TCTN2: variants seen among roughly 807,000 people sequenced by gnomAD.
TCTN2 encodes the protein tectonic-2.
TCTN2 carries 66 observed loss-of-function variants against 83.4 expected under a neutral mutation model. That is an observed-to-expected ratio of 0.79 (90% CI 0.65 to 0.97). The LOEUF is 0.97. Among genes scored for constraint, TCTN2 ranks in the 50% least tolerant of loss-of-function variants. TCTN2 has a pLI of 0.00. For missense variants in TCTN2, 794 were observed against 858.1 expected, an observed-to-expected ratio of 0.93 and a Z score of 0.93; for synonymous variants, 301 against 326.7, an observed-to-expected ratio of 0.92 and a Z score of 0.85.
At chr12:123,697,856 T>C (rs1031760745) in intron 13 of TCTN2, among the ~76,000 whole-genome samples, 3 of 150,462 alleles carry the variant, frequency 2.0e-5, no homozygotes, top group African/African-American at 7.4e-5. Flanking sequence ...ACTGGGGTGA[T>C]TAACTTTTTT....
chr12:123,673,072 T>C (rs1287460594), intron 3 of TCTN2, among the ~76,000 whole-genome samples: 2 of 152,130 alleles, frequency 1.3e-5, no homozygotes, highest in Middle Eastern at 6.3e-3. Flanking sequence ...TCATAACCAC[T>C]GATCTTGCCC....
At chr12:123,687,152 G>A (rs777372851) in intron 6 of TCTN2, 117 bp downstream of exon 6, 12 of 1,159,240 alleles carry the variant, frequency 1.0e-5, no homozygotes, top group Admixed American at 5.2e-5. Context: ...CAGAGGTTCC[G>A]TGCCTAAAGG....
rs1273934982 is a variant in TCTN2, at chr12:123,671,610, G to A, written c.186G>A (p.Glu62=). 1 of 1,611,898 alleles carries A rather than the reference G, an allele frequency of 6.2e-7. No homozygotes were observed. Among genetic ancestry groups the A allele is most frequent in the Non-Finnish European group, 8.5e-7 (1 of 1,179,846 alleles). ...TGTCCCTGGCAGTGCTGCAGGACGA[G>A]GCGGGTAAAGTCCGGCCCTCTTTTG... ...VTVSLAVLQD[E]AGILPIPTCG... The change falls in exon 2 of 18, where the codon GAG becomes GAA. Residue 62 remains glutamate (E), a synonymous_variant. Coordinates refer to ENST00000303372, the MANE Select transcript of TCTN2 (RefSeq NM_024809.5).
intron 9 of TCTN2, among the ~76,000 whole-genome samples, chr12:123,694,393 T>A (rs1224467230): frequency 6.6e-6 from 1 of 152,240 alleles, no homozygotes; most frequent in Non-Finnish European, 1.5e-5. Flanking sequence ...CCTCCCCAAG[T>A]GCTGGGTGTC....
chr12:123,692,921 C>G, intron 9 of TCTN2, among the ~76,000 whole-genome samples, 198 bp downstream of exon 9: 1 of 152,054 alleles, frequency 6.6e-6, no homozygotes, highest in Non-Finnish European at 1.5e-5. Flanking sequence ...TGACCTTGAG[C>G]CTGCTCCTCC....
rs1470667904 is a variant in TCTN2 at position 123,685,004 on chromosome 12, C to T, written c.565-1832C>T. On this transcript the variant is annotated intron_variant, in intron 5 of 17. Transcript: ENST00000303372. ...GGAAGAGGTTGCAGTGAGCTGAGATCGCGCCACTGCACTCCAGCCTGGGTG... is the reference window on the plus strand; with the variant it reads ...GGAAGAGGTTGCAGTGAGCTGAGATTGCGCCACTGCACTCCAGCCTGGGTG... 4.0e-5 allele frequency among the ~76,000 whole-genome samples: 6 copies of T among 150,202 alleles called. No individual in the cohort carries two copies. The South Asian group carries it at 6.3e-4, about 16-fold the overall frequency.
intron 14 of TCTN2, among the ~76,000 whole-genome samples, chr12:123,702,545 C>T (rs1486233613): frequency 2.6e-5 from 4 of 152,122 alleles, no homozygotes; most frequent in African/African-American, 4.8e-5. Context: ...TCCACCCCCA[C>T]GGGGCACTCA....
rs746850335 is a variant in TCTN2 at position 123,692,430 on chromosome 12, T to TTTTG, written c.1034-218_1034-215dup. On this transcript the variant is annotated intron_variant, in intron 8 of 17. Coordinates refer to ENST00000303372, the MANE Select transcript of TCTN2 (RefSeq NM_024809.5). Reference sequence around the variant, plus strand: ...GTTTTTATGTCACAGTGACCCTGGTTTTTGTTTGTTTGTGTGTTTGTTGTG... The same window carrying TTTTG: ...GTTTTTATGTCACAGTGACCCTGGTTTTTGTTTGTTTGTTTGTGTGTTTGTTGTG... Among the ~76,000 whole-genome samples the TTTTG allele has an allele frequency of 1.0e-3, 156 of 152,286 alleles. 1 individual carries two copies. In the Middle Eastern group the frequency reaches 0.02, roughly 20 times the overall value.
intron 10 of TCTN2, 82 bp from the exon 11 acceptor site, chr12:123,695,138 A>G: frequency 7.2e-7 from 1 of 1,394,612 alleles, no homozygotes; most frequent in Non-Finnish European, 1.0e-6. Flanking sequence ...ACAAAATGCA[A>G]TTTTAAGGTA....
chr12:123,682,191 A>G (rs1479551690), intron 5 of TCTN2, among the ~76,000 whole-genome samples: 3 of 152,022 alleles, frequency 2.0e-5, no homozygotes, highest in Non-Finnish European at 4.4e-5. Context: ...AGGCTGGTCT[A>G]CAATTCCTGG....
intron 4 of TCTN2, among the ~76,000 whole-genome samples, chr12:123,676,104 C>T (rs1244560782): frequency 6.6e-6 from 1 of 152,052 alleles, no homozygotes; most frequent in Non-Finnish European, 1.5e-5. Context: ...CATGGCAAAA[C>T]CCTGTCTCTA....
intron 4 of TCTN2, 58 bp from the exon 5 acceptor site, chr12:123,679,131 G>C: frequency 6.9e-7 from 1 of 1,452,696 alleles, no homozygotes; most frequent in East Asian, 2.3e-5. Flanking sequence ...TCAAAAATGT[G>C]ACTGTGCTTT....
chr12:123,699,329 A>G (rs1023252919), intron 13 of TCTN2, among the ~76,000 whole-genome samples: 1 of 151,694 alleles, frequency 6.6e-6, no homozygotes, highest in Non-Finnish European at 1.5e-5. Context: ...TAATTTTTGT[A>G]TTTTTTGTAG....
At chr12:123,687,472 A>C (rs1955986248) in intron 6 of TCTN2, among the ~76,000 whole-genome samples, 1 of 152,020 alleles carries the variant, frequency 6.6e-6, no homozygotes, top group Admixed American at 6.6e-5. Flanking sequence ...CCTGGCTAAC[A>C]CAGTGAAACC....
In TCTN2 at chr12:123,696,248, T is replaced by C. The variant is rs553058482; in HGVS notation, c.1313-167T>C. The C allele has an allele frequency of 1.6e-4, 106 of 655,552 alleles. No homozygotes were observed. In the South Asian group the frequency reaches 1.8e-3, roughly 11 times the overall value. The allele number at this position is 655,552 out of a possible 1,614,324, so 40.6% of individuals were successfully genotyped here. The stretch of plus-strand genomic sequence containing the variant: ...ATGTGAAGCATTCTTTCTCTTTAGC[T>C]ACTGTTTTTTTTGAGACCCGAAGTT... On this transcript the variant is annotated intron_variant, in intron 11 of 17. Transcript: ENST00000303372.
Position 123,671,165 on chromosome 12 carries a change from C to G in TCTN2, c.-76C>G. 1 of 1,391,354 alleles carries G rather than the reference C, an allele frequency of 7.2e-7. No homozygotes were observed. Among genetic ancestry groups the G allele is most frequent in the African/African-American group, 1.4e-5 (1 of 70,320 alleles). The allele number at this position is 1,391,354 out of a possible 1,614,324, so 86.2% of individuals were successfully genotyped here. On this transcript the variant is annotated 5_prime_UTR_variant, in exon 1 of 18. Transcript: ENST00000303372. ...GGCGGCGGCGGGGCAGTGGCTGCTG[C>G]GTTTTCGTGTCTGAGTCCTTCCTGG... is the stretch of plus-strand genomic sequence containing the variant.
At chr12:123,679,382 G>A in intron 5 of TCTN2, 93 bp downstream of exon 5, 2 of 1,177,344 alleles carry the variant, frequency 1.7e-6, no homozygotes, top group Admixed American at 1.7e-5. Flanking sequence ...TATTTCTTGA[G>A]ATAGGGTCTT....
At position 123,695,308 on chromosome 12, in the gene TCTN2, T is replaced by TG; in HGVS notation, c.1312+11_1312+12insG. On this transcript the variant is annotated intron_variant, in intron 11 of 17. Transcript: ENST00000303372. ...TATCTGGAAATCCAGGTAAGATGAG[T>TG]ATATGCCAGTCATTGATCTTACAAA... The TG allele has an allele frequency of 6.5e-7, 1 of 1,535,048 alleles. No homozygotes were observed. The highest frequency in any genetic ancestry group is 1.1e-5 in the South Asian group (1 of 89,310).
intron 4 of TCTN2, among the ~76,000 whole-genome samples, chr12:123,677,065 C>T (rs1469896126): frequency 3.3e-5 from 5 of 152,044 alleles, no homozygotes; most frequent in Admixed American, 2.0e-4. Context: ...GTGGTCCCAG[C>T]TACTTGAGAG....
Sources: allele counts gnomAD v4.1 joint callset (sites outside exome capture counted in the v4.1 genomes callset), GRCh38; gene constraint gnomAD v4.1.1; transcripts MANE v1.5; gene names NCBI Gene and HGNC (gene_info 2026-07-23, HGNC 2026-07-21).